RTN1: variants seen among roughly 807,000 people sequenced by gnomAD.
The protein encoded by RTN1 is reticulon-1.
A neutral mutation model predicts 65.5 loss-of-function variants in RTN1; 25 were observed. That is an observed-to-expected ratio of 0.38 (90% confidence interval 0.28 to 0.53). The LOEUF (loss-of-function observed/expected upper bound fraction) is 0.53, where lower values mean the gene tolerates loss of function less well. RTN1 is among the 20% of genes least tolerant of loss of function. The probability of loss-of-function intolerance (pLI) is 0.79; values close to 1 mark genes in which losing one functional copy is unlikely to be tolerated. For synonymous variants in RTN1, 471 were observed against 447.6 expected, an observed-to-expected ratio of 1.05 and a Z score of -0.66; for missense variants, 983 against 1,025.4, an observed-to-expected ratio of 0.96 and a Z score of 0.57.
At chr14:59,807,831 T>C (rs1232152692) in intron 1 of RTN1, among the ~76,000 whole-genome samples, 1 of 152,188 alleles carries the variant, frequency 6.6e-6, no homozygotes, top group Non-Finnish European at 1.5e-5. Context: ...AAAAACTAGT[T>C]CCACAAAGTG....
intron 1 of RTN1, among the ~76,000 whole-genome samples, chr14:59,783,421 C>T (rs148733094): frequency 6.6e-6 from 1 of 152,186 alleles, no homozygotes; most frequent in Non-Finnish European, 1.5e-5. Flanking sequence ...AATAATATGT[C>T]AGCTGAATTT....
chr14:59,856,699 T>A (rs902256328), intron 1 of RTN1, among the ~76,000 whole-genome samples: 1 of 152,198 alleles, frequency 6.6e-6, no homozygotes, highest in Non-Finnish European at 1.5e-5. Context: ...AGCTTCCCCA[T>A]TGCTATTTGG....
chr14:59,776,282 G>T (rs1380127799), intron 1 of RTN1, among the ~76,000 whole-genome samples: 1 of 152,040 alleles, frequency 6.6e-6, no homozygotes, highest in African/African-American at 2.4e-5. Flanking sequence ...GGTCATGAGG[G>T]CCATGCCTTC....
chr14:59,859,573 A>G (rs1210660714), intron 1 of RTN1, among the ~76,000 whole-genome samples: 2 of 152,232 alleles, frequency 1.3e-5, no homozygotes, highest in African/African-American at 4.8e-5. Context: ...ACATGAAAAG[A>G]TACTGAAAAG....
intron 3 of RTN1, among the ~76,000 whole-genome samples, chr14:59,696,179 G>C (rs1884059297): frequency 6.6e-6 from 1 of 152,136 alleles, no homozygotes; most frequent in Non-Finnish European, 1.5e-5. Flanking sequence ...GCATTTACCT[G>C]CCTGGCAGCA....
chr14:59,642,936 C>T (rs1021470129), intron 3 of RTN1, among the ~76,000 whole-genome samples: 19 of 152,144 alleles, frequency 1.2e-4, no homozygotes, highest in African/African-American at 4.1e-4. Flanking sequence ...AAAAGTTGCT[C>T]CTGCCTCTAG....
intron 3 of RTN1, among the ~76,000 whole-genome samples, chr14:59,689,715 A>G (rs1219062980): frequency 6.6e-6 from 1 of 152,132 alleles, no homozygotes; most frequent in Non-Finnish European, 1.5e-5. Flanking sequence ...ACTAAGCTTC[A>G]TAAGTGAAGG....
intron 1 of RTN1, among the ~76,000 whole-genome samples, chr14:59,856,537 C>T (rs990698438): frequency 2.6e-5 from 4 of 152,292 alleles, no homozygotes; most frequent in East Asian, 1.9e-4. Context: ...CTGGTCCCCA[C>T]GGGCACACCT....
chr14:59,765,506 T>C (rs770559068), intron 1 of RTN1, among the ~76,000 whole-genome samples: 9 of 152,240 alleles, frequency 5.9e-5, no homozygotes, highest in Non-Finnish European at 7.3e-5. Flanking sequence ...GATACTAGCT[T>C]ACAGTCATCC....
intron 3 of RTN1, among the ~76,000 whole-genome samples, chr14:59,708,824 T>A (rs1229168507): frequency 6.6e-6 from 1 of 152,220 alleles, no homozygotes; most frequent in Admixed American, 6.5e-5. Context: ...AAGAATTCTA[T>A]CAACTATTCT....
intron 8 of RTN1, among the ~76,000 whole-genome samples, chr14:59,598,425 CA>C (rs1341287838): frequency 6.6e-6 from 1 of 152,160 alleles, no homozygotes; most frequent in East Asian, 1.9e-4. Context: ...AAAGGTCTAT[CA>C]GACACTTTAG....
chr14:59,783,314 G>C (rs1886190817), intron 1 of RTN1, among the ~76,000 whole-genome samples: 1 of 152,174 alleles, frequency 6.6e-6, no homozygotes, highest in South Asian at 2.1e-4. Flanking sequence ...AGAGAGGGAA[G>C]CAAGAAAGGT....
At chr14:59,844,215 T>C (rs1361482707) in intron 1 of RTN1, among the ~76,000 whole-genome samples, 1 of 152,162 alleles carries the variant, frequency 6.6e-6, no homozygotes, top group East Asian at 1.9e-4. Flanking sequence ...CGAACTCACG[T>C]TGAAATTTAA....
intron 1 of RTN1, among the ~76,000 whole-genome samples, chr14:59,753,358 G>A (rs1885570645): frequency 6.6e-6 from 1 of 152,142 alleles, no homozygotes; most frequent in African/African-American, 2.4e-5. Context: ...CCAGCTAGAG[G>A]AAGAGAAGAG....
chr14:59,748,576 T>A (rs370365534), intron 1 of RTN1, among the ~76,000 whole-genome samples: 2 of 152,210 alleles, frequency 1.3e-5, no homozygotes, highest in South Asian at 4.1e-4. Context: ...TTTTTCTTTT[T>A]CCTGTATTGC....
intron 1 of RTN1, among the ~76,000 whole-genome samples, chr14:59,869,429 C>T (rs911676209): frequency 6.6e-6 from 1 of 152,084 alleles, no homozygotes; most frequent in African/African-American, 2.4e-5. Context: ...CTGGAAACAG[C>T]GTTAACCAGG....
intron 3 of RTN1, among the ~76,000 whole-genome samples, chr14:59,715,066 A>G (rs1566695606): frequency 6.6e-6 from 1 of 152,194 alleles, no homozygotes. Context: ...CCACCTTCCC[A>G]TGGAAAAACT....
chr14:59,726,783 C>T (rs570649159), intron 3 of RTN1, 136 bp downstream of exon 3: 12 of 764,352 alleles, frequency 1.6e-5, no homozygotes, highest in South Asian at 1.9e-5. Flanking sequence ...TCCCATCCCC[C>T]CTGGAACCGT....
At chr14:59,622,575 G>C (rs1566663863) in intron 3 of RTN1, among the ~76,000 whole-genome samples, 1 of 152,146 alleles carries the variant, frequency 6.6e-6, no homozygotes, top group East Asian at 1.9e-4. Context: ...GTGATTAAGA[G>C]CCAGTTTTTT....
Sources: allele counts gnomAD v4.1 joint callset (sites outside exome capture counted in the v4.1 genomes callset), GRCh38; gene constraint gnomAD v4.1.1; transcripts MANE v1.5; gene names NCBI Gene and HGNC (gene_info 2026-07-23, HGNC 2026-07-21).